SLC8A3: variants seen among roughly 807,000 people sequenced by gnomAD.
SLC8A3 encodes the protein solute carrier family 8 member A3.
In SLC8A3, 37 loss-of-function variants were observed where a neutral mutation model predicts 65.4. The observed-to-expected ratio is 0.57, with a 90% CI of 0.44 to 0.74. SLC8A3 has a LOEUF of 0.74. Among genes scored for constraint, SLC8A3 ranks in the 30% least tolerant of loss-of-function variants. SLC8A3 has a pLI of 0.00. For synonymous variants in SLC8A3, 461 were observed against 444.5 expected (o/e 1.04, Z -0.47); for missense variants, 1,112 against 1,172.1 (o/e 0.95, Z 0.75).
chr14:70,119,511 AC>A (rs1312977345), intron 2 of SLC8A3, among the ~76,000 whole-genome samples: 1 of 152,180 alleles, frequency 6.6e-6, no homozygotes, highest in African/African-American at 2.4e-5. Context: ...ATCCAGTTAA[AC>A]ATCCTCACTT....
At chr14:70,133,495 G>A (rs532200029) in intron 2 of SLC8A3, among the ~76,000 whole-genome samples, 1 of 152,156 alleles carries the variant, frequency 6.6e-6, no homozygotes, top group Admixed American at 6.5e-5. Flanking sequence ...TTCAGAACAA[G>A]GTGCATTGAG....
chr14:70,119,358 T>G (rs1007099693), intron 2 of SLC8A3, among the ~76,000 whole-genome samples: 2 of 152,236 alleles, frequency 1.3e-5, no homozygotes, highest in African/African-American at 4.8e-5. Flanking sequence ...ACATGGACAC[T>G]GTGAGGCTTC....
chr14:70,092,402 C>T (rs1295570622), intron 2 of SLC8A3, among the ~76,000 whole-genome samples: 1 of 152,098 alleles, frequency 6.6e-6, no homozygotes, highest in Non-Finnish European at 1.5e-5. Flanking sequence ...TCTCAGGGCT[C>T]TTGTGTTGCA....
intron 2 of SLC8A3, among the ~76,000 whole-genome samples, chr14:70,144,319 T>TTTG (rs1895767809): frequency 9.1e-5 from 13 of 142,330 alleles, no homozygotes; most frequent in Non-Finnish European, 1.8e-4. Context: ...TTTTTTTTTT[T>TTTG]TTTTTTTTTT....
chr14:70,141,964 G>A (rs17107818), intron 2 of SLC8A3, among the ~76,000 whole-genome samples: 17,534 of 152,206 alleles, frequency 0.12, 1,088 homozygotes, highest in Middle Eastern at 0.16. Context: ...GTCCACCCCA[G>A]TGACTCCAAT....
chr14:70,097,011 A>G (rs1892222879), intron 2 of SLC8A3, among the ~76,000 whole-genome samples: 1 of 152,180 alleles, frequency 6.6e-6, no homozygotes. Flanking sequence ...ACTGCATAGA[A>G]ATGTGGGAAA....
At chr14:70,187,301 G>T in intron 1 of SLC8A3, 1 of 157,602 alleles carries the variant, frequency 6.3e-6, no homozygotes, top group Non-Finnish European at 1.4e-5. Context: ...GAGGAAAGGA[G>T]GAGAGAAGAG....
intron 1 of SLC8A3, among the ~76,000 whole-genome samples, chr14:70,184,122 A>G (rs937282660): frequency 6.6e-6 from 1 of 152,142 alleles, no homozygotes; most frequent in African/African-American, 2.4e-5. Flanking sequence ...ATTGGCCCCA[A>G]ATAGTCGCTA....
chr14:70,115,516 T>C (rs1893595444), intron 2 of SLC8A3, among the ~76,000 whole-genome samples: 1 of 152,174 alleles, frequency 6.6e-6, no homozygotes, highest in Non-Finnish European at 1.5e-5. Flanking sequence ...GGAAAATTCA[T>C]AGGAAGTACT....
At chr14:70,057,999 T>C (rs993996046) in intron 3 of SLC8A3, among the ~76,000 whole-genome samples, 4 of 152,214 alleles carry the variant, frequency 2.6e-5, no homozygotes, top group Non-Finnish European at 4.4e-5. Context: ...GGAAGTCCAC[T>C]TCTAGACTCC....
At chr14:70,131,942 A>C (rs1325118311) in intron 2 of SLC8A3, among the ~76,000 whole-genome samples, 1 of 152,328 alleles carries the variant, frequency 6.6e-6, no homozygotes, top group Admixed American at 6.5e-5. Flanking sequence ...GAGGACAGAC[A>C]TCTCCAGGAA....
At chr14:70,173,599 A>G (rs187429081) in intron 1 of SLC8A3, among the ~76,000 whole-genome samples, 8 of 152,302 alleles carry the variant, frequency 5.3e-5, no homozygotes, top group African/African-American at 1.7e-4. Flanking sequence ...CTCCAATGGG[A>G]ACACTGCTCC....
chr14:70,120,671 GCTGTGT>G (rs1156912842), intron 2 of SLC8A3, among the ~76,000 whole-genome samples: 16 of 152,332 alleles, frequency 1.1e-4, no homozygotes, highest in African/African-American at 3.6e-4. Flanking sequence ...CCTTTAGCTT[GCTGTGT>G]GCCTTTGGCC....
chr14:70,184,952 CTTTTTTTTCTTTTCT>C (rs1297435673), intron 1 of SLC8A3, among the ~76,000 whole-genome samples: 1 of 139,704 alleles, frequency 7.2e-6, no homozygotes, highest in Non-Finnish European at 1.5e-5. Context: ...TTATTCCTTT[CTTTTTTTTCTTTTCT>C]TTTTTTTTTT....
At chr14:70,117,720 T>C (rs1054342814) in intron 2 of SLC8A3, among the ~76,000 whole-genome samples, 1 of 152,160 alleles carries the variant, frequency 6.6e-6, no homozygotes, top group Non-Finnish European at 1.5e-5. Context: ...CACGTGCACC[T>C]TTCATATACA....
intron 2 of SLC8A3, among the ~76,000 whole-genome samples, chr14:70,141,705 T>G (rs572707019): frequency 6.6e-6 from 1 of 152,342 alleles, no homozygotes; most frequent in East Asian, 1.9e-4. Context: ...GGTGCGGCTT[T>G]GGATGAGACA....
intron 1 of SLC8A3, among the ~76,000 whole-genome samples, chr14:70,183,178 A>G (rs1457816820): frequency 2.0e-5 from 3 of 152,172 alleles, no homozygotes; most frequent in Non-Finnish European, 4.4e-5. Flanking sequence ...ACAACTAGGA[A>G]AGCCCTATTT....
chr14:70,126,996 A>G (rs1270699088), intron 2 of SLC8A3, among the ~76,000 whole-genome samples: 1 of 152,122 alleles, frequency 6.6e-6, no homozygotes, highest in Non-Finnish European at 1.5e-5. Flanking sequence ...TGCTATGACC[A>G]ATTCCTGGCC....
At chr14:70,141,459 C>T (rs1376456774) in intron 2 of SLC8A3, among the ~76,000 whole-genome samples, 1 of 152,194 alleles carries the variant, frequency 6.6e-6, no homozygotes, top group Non-Finnish European at 1.5e-5. Flanking sequence ...GTGTATGTAG[C>T]TAATAAATGA....
Sources: allele counts gnomAD v4.1 joint callset (sites outside exome capture counted in the v4.1 genomes callset), GRCh38; gene constraint gnomAD v4.1.1; transcripts MANE v1.5; gene names NCBI Gene and HGNC (gene_info 2026-07-23, HGNC 2026-07-21).